ATG5: variants seen among roughly 807,000 people sequenced by gnomAD.
ATG5 encodes the protein autophagy related 5.
In ATG5, 14 loss-of-function variants were observed where a neutral mutation model predicts 36.5. That is an observed-to-expected ratio of 0.38 (90% CI 0.25 to 0.60). The LOEUF is 0.60. Among genes scored for constraint, ATG5 ranks in the 20% least tolerant of loss-of-function variants. The probability of loss-of-function intolerance (pLI) is 0.60; values close to 1 mark genes in which losing one functional copy is unlikely to be tolerated. For synonymous variants in ATG5, 95 were observed against 101.5 expected, an observed-to-expected ratio of 0.94 and a Z score of 0.38; for missense variants, 195 against 326.7, an observed-to-expected ratio of 0.60 and a Z score of 3.11.
intron 1 of ATG5, among the ~76,000 whole-genome samples, chr6:106,320,110 T>TAATA (rs1771004753): frequency 6.6e-6 from 1 of 152,246 alleles, no homozygotes; most frequent in South Asian, 2.1e-4. Flanking sequence ...ATCTTGTAGC[T>TAATA]AATAAATGGC....
chr6:106,284,709 G>A lies in ATG5; in HGVS notation c.316-4886C>T, dbSNP rs568921722. 2.3e-4 allele frequency among the ~76,000 whole-genome samples: 34 copies of A among 149,784 alleles called. No individual in the cohort carries two copies. In the South Asian group the frequency reaches 4.3e-3, roughly 19 times the overall value. On this transcript the variant is annotated intron_variant, in intron 4 of 7. Transcript: ENST00000369076. ...TCTAGAGGGCGTGAAGGGGTAACTCGTTGTGTGGGGTTTTTTTTGTTTTTT... is the reference window on the plus strand; with the variant it reads ...TCTAGAGGGCGTGAAGGGGTAACTCATTGTGTGGGGTTTTTTTTGTTTTTT...
chr6:106,242,080 A>C (rs970104325), intron 6 of ATG5, among the ~76,000 whole-genome samples: 6 of 152,166 alleles, frequency 3.9e-5, no homozygotes, highest in Non-Finnish European at 8.8e-5. Flanking sequence ...ATACAATGGA[A>C]TATTATTAAG....
In ATG5 at chr6:106,274,268, T is replaced by A. The variant is rs562714760; in HGVS notation, c.478+5393A>T. Among the ~76,000 whole-genome samples the A allele has an allele frequency of 1.8e-4, 27 of 152,334 alleles. No individual in the cohort carries two copies. The Middle Eastern group carries it at 0.017, about 96-fold the overall frequency. ...CTGCTCATAAATAAAAATGCTACTT[T>A]CTTTTATTTCTTGTGGCCATTAACT... On this transcript the variant is annotated intron_variant, in intron 5 of 7. Coordinates refer to ENST00000369076, the MANE Select transcript of ATG5 (RefSeq NM_004849.4).
intron 4 of ATG5, among the ~76,000 whole-genome samples, chr6:106,292,112 A>C (rs1194374947): frequency 6.6e-6 from 1 of 152,214 alleles, no homozygotes; most frequent in Admixed American, 6.5e-5. Context: ...AGGCCAAGGC[A>C]GGTGGATCAC....
intron 2 of ATG5, among the ~76,000 whole-genome samples, chr6:106,313,754 A>T (rs899568715): frequency 7.4e-5 from 11 of 149,598 alleles, no homozygotes; most frequent in African/African-American, 2.7e-4. Context: ...CTTAATTGAC[A>T]GCAAGGGACA....
intron 6 of ATG5, among the ~76,000 whole-genome samples, chr6:106,226,375 T>C (rs1484710899): frequency 6.6e-6 from 1 of 152,146 alleles, no homozygotes; most frequent in Non-Finnish European, 1.5e-5. Context: ...TATAAAATAT[T>C]CAGGTCTCAA....
At chr6:106,305,353 C>T (rs1770403634) in intron 3 of ATG5, among the ~76,000 whole-genome samples, 3 of 152,184 alleles carry the variant, frequency 2.0e-5, no homozygotes, top group Admixed American at 2.0e-4. Context: ...TACTCTTCAT[C>T]TATGTCCTAC....
chr6:106,233,635 T>A (rs1459510869), intron 6 of ATG5, among the ~76,000 whole-genome samples: 2 of 152,162 alleles, frequency 1.3e-5, no homozygotes, highest in Non-Finnish European at 2.9e-5. Context: ...AGTCTTAGTA[T>A]CTGAAGCAGT....
intron 6 of ATG5, among the ~76,000 whole-genome samples, chr6:106,239,460 A>T (rs967615960): frequency 1.3e-5 from 2 of 152,210 alleles, no homozygotes; most frequent in Non-Finnish European, 2.9e-5. Flanking sequence ...ACAGGACACT[A>T]TGGGGAACTG....
At chr6:106,276,117 G>C (rs1431726757) in intron 5 of ATG5, among the ~76,000 whole-genome samples, 5 of 152,138 alleles carry the variant, frequency 3.3e-5, no homozygotes, top group African/African-American at 1.2e-4. Flanking sequence ...TGTTTCATAA[G>C]GCCTCTACAG....
chr6:106,292,578 T>G (rs1480073534), intron 4 of ATG5, among the ~76,000 whole-genome samples: 1 of 152,208 alleles, frequency 6.6e-6, no homozygotes, highest in Non-Finnish European at 1.5e-5. Flanking sequence ...TACTTCCATA[T>G]CCACATCTAC....
intron 3 of ATG5, among the ~76,000 whole-genome samples, chr6:106,294,912 T>G (rs921232739): frequency 1.3e-5 from 2 of 151,692 alleles, no homozygotes; most frequent in Non-Finnish European, 2.9e-5. Flanking sequence ...GGGGGTACTT[T>G]TAGTCTTATA....
At chr6:106,289,717 C>A (rs775159649) in intron 4 of ATG5, among the ~76,000 whole-genome samples, 1 of 152,028 alleles carries the variant, frequency 6.6e-6, no homozygotes, top group Non-Finnish European at 1.5e-5. Flanking sequence ...AACCACTATA[C>A]ATTAACACTA....
chr6:106,189,848 G>A (rs1458279502), intron 7 of ATG5, among the ~76,000 whole-genome samples: 1 of 151,954 alleles, frequency 6.6e-6, no homozygotes, highest in Non-Finnish European at 1.5e-5. Flanking sequence ...TCCCACTCAG[G>A]TTTTTAAAAA....
In ATG5 at chr6:106,310,548, T is replaced by C. The variant is rs928086881; in HGVS notation, c.109-2057A>G. 2.0e-5 allele frequency among the ~76,000 whole-genome samples: 3 copies of C among 152,300 alleles called. No homozygotes were observed. The East Asian group carries it at 5.8e-4, about 29-fold the overall frequency. ...TGTATTTCATTGGTTTAAGTTCTTTTTTTTTCAATGTGGTAAAATATACCT... is the reference window on the plus strand; with the variant it reads ...TGTATTTCATTGGTTTAAGTTCTTTCTTTTTCAATGTGGTAAAATATACCT... On this transcript the variant is annotated intron_variant, in intron 2 of 7. Coordinates refer to ENST00000369076, the MANE Select transcript of ATG5 (RefSeq NM_004849.4).
chr6:106,265,492 A>G (rs1779193417), intron 5 of ATG5, among the ~76,000 whole-genome samples: 1 of 152,222 alleles, frequency 6.6e-6, no homozygotes, highest in Non-Finnish European at 1.5e-5. Context: ...TCAGCTCTGG[A>G]CCAAGTGGAC....
chr6:106,292,233 C>A (rs546847976), intron 4 of ATG5, among the ~76,000 whole-genome samples: 1 of 151,998 alleles, frequency 6.6e-6, no homozygotes, highest in Non-Finnish European at 1.5e-5. Context: ...TATAAGAGAC[C>A]GACATGGTGG....
At chr6:106,287,152 G>A (rs1780113638) in intron 4 of ATG5, among the ~76,000 whole-genome samples, 2 of 152,230 alleles carry the variant, frequency 1.3e-5, no homozygotes, top group African/African-American at 4.8e-5. Context: ...GAGAGACCAT[G>A]AAATACACTC....
At chr6:106,250,392 C>A (rs1034196426) in intron 5 of ATG5, among the ~76,000 whole-genome samples, 1 of 152,132 alleles carries the variant, frequency 6.6e-6, no homozygotes, top group Non-Finnish European at 1.5e-5. Flanking sequence ...AATTCTGAAT[C>A]CAGTAAGTCC....
Sources: allele counts gnomAD v4.1 joint callset (sites outside exome capture counted in the v4.1 genomes callset), GRCh38; gene constraint gnomAD v4.1.1; transcripts MANE v1.5; gene names NCBI Gene and HGNC (gene_info 2026-07-23, HGNC 2026-07-21).